NFU1: variants seen among roughly 807,000 people sequenced by gnomAD.
NFU1 encodes NFU1 iron-sulfur cluster scaffold, also known as NFU1 iron-sulfur cluster scaffold homolog, mitochondrial.
A neutral mutation model predicts 32.2 loss-of-function variants in NFU1; 30 were observed. That is an observed-to-expected ratio of 0.93 (90% CI 0.70 to 1.26). NFU1 has a LOEUF of 1.26. NFU1 is among the 50% of genes most tolerant of loss of function. The pLI is 0.00. For synonymous variants in NFU1, 112 were observed against 104.6 expected (o/e 1.07, Z -0.43); for missense variants, 306 against 306.6 (o/e 1.00, Z 0.02).
intron 2 of NFU1, among the ~76,000 whole-genome samples, chr2:69,427,505 A>G (rs1274265465): frequency 1.3e-5 from 2 of 149,264 alleles, no homozygotes; most frequent in Non-Finnish European, 3.0e-5. Flanking sequence ...CATGGTGAAA[A>G]CCCATCTCTA....
At chr2:69,401,294 A>G (rs1350005139) in intron 6 of NFU1, among the ~76,000 whole-genome samples, 1 of 152,158 alleles carries the variant, frequency 6.6e-6, no homozygotes, top group African/African-American at 2.4e-5. Context: ...ATCCTAATTC[A>G]TATCACCACT....
chr2:69,425,687 T>C (rs891397783), intron 2 of NFU1, among the ~76,000 whole-genome samples: 32 of 151,580 alleles, frequency 2.1e-4, no homozygotes, highest in African/African-American at 7.3e-4. Context: ...GGTTTCACCA[T>C]GTTGGCCAGG....
chr2:69,425,905 T>C (rs1191631500), intron 2 of NFU1, among the ~76,000 whole-genome samples: 2 of 152,156 alleles, frequency 1.3e-5, no homozygotes, highest in South Asian at 2.1e-4. Flanking sequence ...AATGGTACAG[T>C]AAATAACATA....
chr2:69,397,644 G>A (rs765710725), intron 7 of NFU1, among the ~76,000 whole-genome samples: 12 of 151,706 alleles, frequency 7.9e-5, no homozygotes, highest in Non-Finnish European at 1.6e-4. Flanking sequence ...CAGGCACAGT[G>A]GCTCATGCCT....
At chr2:69,421,562 C>CTTTTTTTTTTTTTTTTTTT in intron 3 of NFU1, among the ~76,000 whole-genome samples, 1 of 70,760 alleles carries the variant, frequency 1.4e-5, no homozygotes, top group Non-Finnish European at 2.5e-5. Flanking sequence ...ATCATTTGTG[C>CTTTTTTTTTTTTTTTTTTT]TTTTTTTTTT....
intron 5 of NFU1, among the ~76,000 whole-genome samples, chr2:69,414,234 A>G (rs10194966): frequency 0.66 from 100,283 of 151,990 alleles, 34,520 homozygotes; most frequent in African/African-American, 0.87. Flanking sequence ...TATCCAGCAC[A>G]TAAAATGAGT....
At chr2:69,429,248 C>A (rs887955366) in intron 2 of NFU1, among the ~76,000 whole-genome samples, 1 of 152,300 alleles carries the variant, frequency 6.6e-6, no homozygotes, top group East Asian at 1.9e-4. Flanking sequence ...GCACACAGTA[C>A]TCTACCAATA....
At chr2:69,404,261 G>A (rs1454437663) in intron 6 of NFU1, among the ~76,000 whole-genome samples, 1 of 151,566 alleles carries the variant, frequency 6.6e-6, no homozygotes, top group Non-Finnish European at 1.5e-5. Flanking sequence ...GGAGGCCGAG[G>A]AGGGTAGATC....
intron 7 of NFU1, among the ~76,000 whole-genome samples, chr2:69,400,111 G>A (rs987958303): frequency 6.6e-6 from 1 of 152,072 alleles, no homozygotes; most frequent in African/African-American, 2.4e-5. Context: ...AACCTCAGGT[G>A]ATCCACCCAC....
At chr2:69,404,457 C>G (rs1488542426) in intron 6 of NFU1, among the ~76,000 whole-genome samples, 1 of 150,688 alleles carries the variant, frequency 6.6e-6, no homozygotes, top group Non-Finnish European at 1.5e-5. Context: ...GTGCAGCACT[C>G]CAGCCTGGGT....
At chr2:69,438,137 A>G (rs1475098868), upstream of NFU1, among the ~76,000 whole-genome samples, 1 of 152,166 alleles carries the variant, frequency 6.6e-6, no homozygotes, top group East Asian at 1.9e-4. Flanking sequence ...AAAAAAAAGC[A>G]GGAGAACACG....
chr2:69,433,855 C>T (rs1673735618), intron 1 of NFU1, among the ~76,000 whole-genome samples: 2 of 152,094 alleles, frequency 1.3e-5, no homozygotes, highest in Admixed American at 1.3e-4. Flanking sequence ...CTCACTGCAG[C>T]CTCAACATCC....
At chr2:69,418,827 A>G (rs1558831700) in intron 4 of NFU1, among the ~76,000 whole-genome samples, 8 of 152,164 alleles carry the variant, frequency 5.3e-5, no homozygotes, top group Admixed American at 3.9e-4. Context: ...CAATTTGCTT[A>G]AGGGGAGTTT....
chr2:69,424,531 C>T (rs1437893161), intron 2 of NFU1, among the ~76,000 whole-genome samples: 3 of 152,048 alleles, frequency 2.0e-5, no homozygotes, highest in Non-Finnish European at 4.4e-5. Flanking sequence ...CTCAAATGAT[C>T]CTCCCACCTC....
At chr2:69,408,403 C>T (rs531763043) in intron 5 of NFU1, among the ~76,000 whole-genome samples, 4 of 152,180 alleles carry the variant, frequency 2.6e-5, no homozygotes, top group East Asian at 1.9e-4. Flanking sequence ...CTAACAATCC[C>T]GCAACATATT....
upstream of NFU1, among the ~76,000 whole-genome samples, chr2:69,439,393 C>G (rs993702786): frequency 1.3e-5 from 2 of 152,156 alleles, no homozygotes; most frequent in Non-Finnish European, 2.9e-5. Flanking sequence ...GAGTTTGTTT[C>G]TTCTGGTGGG....
chr2:69,412,857 C>A (rs868703469), intron 5 of NFU1, among the ~76,000 whole-genome samples: 3,591 of 102,182 alleles, frequency 0.035, no homozygotes, highest in Non-Finnish European at 0.037. Flanking sequence ...GTCACTGTCT[C>A]AAAAAAAAAA....
Position 69,413,241 on chromosome 2 carries a change from C to T in NFU1, c.484+1944G>A, listed in dbSNP as rs111601948. 3.9e-3 allele frequency among the ~76,000 whole-genome samples: 577 copies of T among 148,686 alleles called. 3 individuals carry two copies. The highest frequency in any genetic ancestry group is 0.014 in the African/African-American group (549 of 40,168). ...TGGAGGTTGTGGTGAGCTGAGATCG[C>T]GCCATTGCACTCCAGCCTGGGCAAC... On this transcript the variant is annotated intron_variant, in intron 5 of 7. Coordinates refer to ENST00000410022, the MANE Select transcript of NFU1 (RefSeq NM_001002755.4).
At chr2:69,432,122 A>C (rs1673659570) in intron 1 of NFU1, 117 bp from the exon 2 acceptor site, 1 of 693,210 alleles carries the variant, frequency 1.4e-6, no homozygotes. Flanking sequence ...CCCGCAATAG[A>C]AATAATTAGA....
Sources: allele counts gnomAD v4.1 joint callset (sites outside exome capture counted in the v4.1 genomes callset), GRCh38; gene constraint gnomAD v4.1.1; transcripts MANE v1.5; gene names NCBI Gene and HGNC (gene_info 2026-07-23, HGNC 2026-07-21).